Variants in BTF3L4 observed in about 807,000 individuals in gnomAD.
BTF3L4 encodes the protein transcription factor BTF3 homolog 4.
BTF3L4 carries 6 observed loss-of-function variants against 16.8 expected under a neutral mutation model. The observed-to-expected ratio is 0.36, with a 90% CI of 0.20 to 0.71. The LOEUF is 0.71. BTF3L4 is among the 30% of genes least tolerant of loss of function. The pLI is 0.58. For missense variants in BTF3L4, 92 were observed against 186.9 expected, an observed-to-expected ratio of 0.49 and a Z score of 2.96; for synonymous variants, 39 against 59.8, an observed-to-expected ratio of 0.65 and a Z score of 1.60.
chr1:52,074,316 A>G (rs112341587), intron 3 of BTF3L4, among the ~76,000 whole-genome samples: 1,576 of 150,788 alleles, frequency 0.01, 25 homozygotes, highest in African/African-American at 0.036. Context: ...TCGTGCCTCA[A>G]ACTCCCAAGT....
At chr1:52,059,633 A>G (rs917495175) in intron 1 of BTF3L4, among the ~76,000 whole-genome samples, 1 of 152,150 alleles carries the variant, frequency 6.6e-6, no homozygotes, top group Non-Finnish European at 1.5e-5. Context: ...CCCTCATGGT[A>G]ATTTAATTTT....
intron 1 of BTF3L4, 46 bp from the exon 2 acceptor site, chr1:52,059,789 T>C: frequency 6.3e-7 from 1 of 1,579,314 alleles, no homozygotes. Context: ...AGTTTGTTAA[T>C]TTCGGCAAAA....
At chr1:52,075,425 G>A (rs1422286423) in intron 3 of BTF3L4, among the ~76,000 whole-genome samples, 1 of 150,596 alleles carries the variant, frequency 6.6e-6, no homozygotes, top group Non-Finnish European at 1.5e-5. Flanking sequence ...AGGAGGCTGA[G>A]GCAAGAGAAT....
At chr1:52,083,662 G>T (rs1040158464) in intron 4 of BTF3L4, 121 bp downstream of exon 4, 8 of 768,816 alleles carry the variant, frequency 1.0e-5, no homozygotes, top group Non-Finnish European at 1.7e-5. Context: ...TTTCTATAAA[G>T]TTATTTCTAT....
intron 1 of BTF3L4, among the ~76,000 whole-genome samples, chr1:52,058,660 G>A (rs1686434465): frequency 6.6e-6 from 1 of 151,236 alleles, no homozygotes; most frequent in African/African-American, 2.4e-5. Context: ...GGAGTGCAAT[G>A]GCATGATCTT....
intron 2 of BTF3L4, chr1:52,060,315 C>T (rs528820902): frequency 2.8e-6 from 1 of 355,800 alleles, no homozygotes; most frequent in African/African-American, 2.1e-5. Context: ...GTTAGACTCA[C>T]TTGCAGGGCA....
chr1:52,068,311 T>C (rs1686703915), intron 3 of BTF3L4, among the ~76,000 whole-genome samples: 1 of 152,238 alleles, frequency 6.6e-6, no homozygotes, highest in African/African-American at 2.4e-5. Context: ...ATCTGCGTGC[T>C]AAGCATTTTG....
chr1:52,081,042 G>C (rs938261370), intron 3 of BTF3L4, among the ~76,000 whole-genome samples: 2 of 151,490 alleles, frequency 1.3e-5, no homozygotes, highest in African/African-American at 2.4e-5. Context: ...GTTTCACCAT[G>C]TTGGCCAGGA....
Position 52,078,949 on chromosome 1 carries a change from C to T in BTF3L4, c.169-4391C>T, listed in dbSNP as rs1686997993. ...TAATAGTCCTTTTTATTTGGCTGCT[C>T]CTTGTTCTTATATTGTACATATATT... On this transcript the variant is annotated intron_variant, in intron 3 of 5. Transcript: ENST00000313334. Among the ~76,000 whole-genome samples the T allele has an allele frequency of 1.3e-5, 2 of 152,116 alleles. 1 individual carries two copies. The highest frequency in any genetic ancestry group is 1.3e-4 in the Admixed American group (2 of 15,236).
chr1:52,059,802 G>C, intron 1 of BTF3L4, 33 bp from the exon 2 acceptor site: 1 of 1,603,228 alleles, frequency 6.2e-7, no homozygotes, highest in East Asian at 2.2e-5. Flanking sequence ...CGGCAAAAGA[G>C]TGACTTTAAC....
chr1:52,066,386 G>A (rs564826983), intron 3 of BTF3L4, among the ~76,000 whole-genome samples: 8 of 148,934 alleles, frequency 5.4e-5, no homozygotes, highest in Non-Finnish European at 8.9e-5. Flanking sequence ...ATTTTTAGTA[G>A]AGACAGTGTT....
rs1643991861 is a variant in BTF3L4, at chr1:52,088,550, G to A, written c.*1792G>A. 1 of 152,572 alleles carries A rather than the reference G, an allele frequency of 6.6e-6. No individual in the cohort carries two copies. Among genetic ancestry groups the A allele is most frequent in the Admixed American group, 6.5e-5 (1 of 15,272 alleles). 9.5% of individuals were successfully genotyped at this position (152,572 alleles called of 1,614,324 possible). On this transcript the variant is annotated 3_prime_UTR_variant, in exon 6 of 6. Transcript: ENST00000313334. The stretch of plus-strand genomic sequence containing the variant: ...GTAGCTCCACAGTCTACACAGTCCA[G>A]AATTCTTTCTCTAATTGTCCCAAAG...
chr1:52,076,549 G>A (rs538103073), intron 3 of BTF3L4, among the ~76,000 whole-genome samples: 5 of 149,244 alleles, frequency 3.4e-5, no homozygotes, highest in Non-Finnish European at 7.4e-5. Flanking sequence ...AGCCGAGATC[G>A]CACCACTGCA....
chr1:52,088,565 T>A lies in BTF3L4; in HGVS notation c.*1807T>A, dbSNP rs1643992197. 2.6e-5 allele frequency: 4 copies of A among 152,550 alleles called. No individual in the cohort carries two copies. The highest frequency in any genetic ancestry group is 5.9e-5 in the Non-Finnish European group (4 of 68,046). The allele number at this position is 152,550 out of a possible 1,614,324, so 9.4% of individuals were successfully genotyped here. On this transcript the variant is annotated 3_prime_UTR_variant, in exon 6 of 6. Coordinates refer to ENST00000313334, the MANE Select transcript of BTF3L4 (RefSeq NM_152265.5). ...ACACAGTCCAGAATTCTTTCTCTAA[T>A]TGTCCCAAAGGGGGACATTGTGGAG...
intron 1 of BTF3L4, 78 bp from the exon 2 acceptor site, chr1:52,059,757 C>T: frequency 1.6e-6 from 2 of 1,245,530 alleles, no homozygotes; most frequent in Non-Finnish European, 2.3e-6. Context: ...CTCAGTGAAC[C>T]AGAAGGTACT....
chr1:52,060,399 A>G, intron 2 of BTF3L4: 1 of 1,148,722 alleles, frequency 8.7e-7, no homozygotes, highest in Non-Finnish European at 1.1e-6. Context: ...GAGATGCTTA[A>G]GTTGATTATA....
chr1:52,084,932 C>G (rs1643956420), intron 4 of BTF3L4, among the ~76,000 whole-genome samples: 1 of 150,796 alleles, frequency 6.6e-6, no homozygotes, highest in Admixed American at 6.6e-5. Flanking sequence ...CATGTTGCCC[C>G]TAAAAATGAA....
intron 5 of BTF3L4, chr1:52,086,445 T>C: frequency 2.1e-6 from 1 of 479,178 alleles, no homozygotes; most frequent in Non-Finnish European, 3.7e-6. Flanking sequence ...CATTTCTGTA[T>C]GAATTATAAT....
At chr1:52,076,171 G>A (rs953551622) in intron 3 of BTF3L4, among the ~76,000 whole-genome samples, 1 of 152,176 alleles carries the variant, frequency 6.6e-6, no homozygotes, top group Non-Finnish European at 1.5e-5. Flanking sequence ...AACTACTTGG[G>A]AGGCTGAGGT....
Sources: allele counts gnomAD v4.1 joint callset (sites outside exome capture counted in the v4.1 genomes callset), GRCh38; gene constraint gnomAD v4.1.1; transcripts MANE v1.5; gene names NCBI Gene and HGNC (gene_info 2026-07-23, HGNC 2026-07-21).